TXNRD2: variants seen among roughly 807,000 people sequenced by gnomAD.
The protein encoded by TXNRD2 is thioredoxin reductase 2, mitochondrial.
Under a neutral mutation model 70.8 loss-of-function variants are expected in TXNRD2, and 67 were observed. The observed-to-expected ratio is 0.95, with a 90% confidence interval of 0.78 to 1.16. The LOEUF (loss-of-function observed/expected upper bound fraction) is 1.16, where lower values mean the gene tolerates loss of function less well. Among genes scored for constraint, TXNRD2 ranks in the 50% most tolerant of loss-of-function variants. The pLI is 0.00. For missense variants in TXNRD2, 644 were observed against 719.9 expected, an observed-to-expected ratio of 0.89 and a Z score of 1.21; for synonymous variants, 301 against 295.8, an observed-to-expected ratio of 1.02 and a Z score of -0.18.
intron 11 of TXNRD2, among the ~76,000 whole-genome samples, chr22:19,890,579 C>A (rs939852481): frequency 6.6e-6 from 1 of 152,098 alleles, no homozygotes; most frequent in Non-Finnish European, 1.5e-5. Context: ...CCCCCTCGCC[C>A]GGGCAGCATC....
intron 8 of TXNRD2, among the ~76,000 whole-genome samples, chr22:19,903,271 G>A (rs919402197): frequency 1.3e-5 from 2 of 152,256 alleles, no homozygotes; most frequent in Admixed American, 1.3e-4. Context: ...GGTTGTTTCC[G>A]GGAAGCAGTA....
rs577781574 is a variant in TXNRD2, at chr22:19,880,507, G to A, written c.1182+115C>T. On this transcript the variant is annotated intron_variant, in intron 13 of 17. Coordinates refer to ENST00000400521, the MANE Select transcript of TXNRD2 (RefSeq NM_006440.5). ...CACACCCACATAAGCGCACACACACGCATGCCCACATCTACATGCAGACAC... is the reference window on the plus strand; with the variant it reads ...CACACCCACATAAGCGCACACACACACATGCCCACATCTACATGCAGACAC... The A allele has an allele frequency of 5.1e-5, 50 of 982,474 alleles. No homozygotes were observed. The South Asian group carries it at 5.9e-4, about 12-fold the overall frequency. The allele number at this position is 982,474 out of a possible 1,614,324, so 60.9% of individuals were successfully genotyped here.
At chr22:19,903,122 C>T in intron 8 of TXNRD2, 1 of 481,692 alleles carries the variant, frequency 2.1e-6, no homozygotes, top group South Asian at 1.5e-5. Context: ...TGCAGCCCCT[C>T]CCCCAGGGCC....
At chr22:19,904,885 C>T (rs1939937812) in intron 8 of TXNRD2, among the ~76,000 whole-genome samples, 1 of 152,210 alleles carries the variant, frequency 6.6e-6, no homozygotes, top group African/African-American at 2.4e-5. Context: ...AGGGGAGCAG[C>T]CCCGGGGTCC....
intron 4 of TXNRD2, 25 bp downstream of exon 4, chr22:19,918,835 G>A: frequency 6.2e-7 from 1 of 1,603,036 alleles, no homozygotes; most frequent in East Asian, 2.2e-5. Flanking sequence ...AAAAGCACTG[G>A]AATGCCACGG....
At chr22:19,920,698 C>T (rs1940869184) in intron 2 of TXNRD2, among the ~76,000 whole-genome samples, 1 of 152,204 alleles carries the variant, frequency 6.6e-6, no homozygotes, top group Non-Finnish European at 1.5e-5. Context: ...TTGACTGCCT[C>T]CCAAGGCACA....
chr22:19,880,831 A>C, intron 12 of TXNRD2, 114 bp from the exon 13 acceptor site: 1 of 704,840 alleles, frequency 1.4e-6, no homozygotes, highest in East Asian at 2.7e-5. Flanking sequence ...AATCCCCAAC[A>C]CTGGCACCGA....
rs149665821 is a variant in TXNRD2 at position 19,927,651 on chromosome 22, C to CAA, written c.172+3377_172+3378dup. 4.3e-3 allele frequency among the ~76,000 whole-genome samples: 297 copies of CAA among 68,326 alleles called. 1 individual carries two copies. Among genetic ancestry groups the CAA allele is most frequent in the African/African-American group, 0.014 (251 of 18,078 alleles). The allele number at this position is 68,326 out of a possible 152,430, so 44.8% of individuals were successfully genotyped here. A position where few individuals can be genotyped will look rare whatever the true frequency, so the allele number is the denominator to read the frequency against. On this transcript the variant is annotated intron_variant, in intron 2 of 17. Transcript: ENST00000400521. ...CTGGGCAACACATGAGACCTTGTCT[C>CAA]AAAAAAAAAAAAAAAAAAAAGAAAA...
At chr22:19,909,549 A>C (rs1940229241) in intron 8 of TXNRD2, among the ~76,000 whole-genome samples, 4 of 108,800 alleles carry the variant, frequency 3.7e-5, no homozygotes, top group Admixed American at 9.6e-5. Flanking sequence ...ACACATAACC[A>C]CTCACACACT....
At chr22:19,921,058 G>A (rs1045956294) in intron 2 of TXNRD2, among the ~76,000 whole-genome samples, 1 of 147,122 alleles carries the variant, frequency 6.8e-6, no homozygotes, top group Non-Finnish European at 1.5e-5. Flanking sequence ...AGTGAGCCGA[G>A]ATTGTGCCAC....
intron 2 of TXNRD2, among the ~76,000 whole-genome samples, chr22:19,929,017 A>AAAG: frequency 6.9e-6 from 1 of 145,260 alleles, no homozygotes; most frequent in Admixed American, 6.9e-5. Flanking sequence ...AAAAAAAAAA[A>AAAG]GAGGTAGTTA....
At chr22:19,877,428 C>G (rs1035173499) in intron 16 of TXNRD2, among the ~76,000 whole-genome samples, 194 bp from the exon 17 acceptor site, 1 of 152,018 alleles carries the variant, frequency 6.6e-6, no homozygotes, top group African/African-American at 2.4e-5. Flanking sequence ...GCCTAGTGCT[C>G]GTCCAGCCCA....
chr22:19,895,285 G>A, intron 11 of TXNRD2, 122 bp downstream of exon 11: 2 of 1,592,268 alleles, frequency 1.3e-6, no homozygotes, highest in South Asian at 2.2e-5. Context: ...CTGGGGAGCG[G>A]CCAACCCGCC....
chr22:19,900,168 T>C (rs1939706323), intron 8 of TXNRD2, among the ~76,000 whole-genome samples: 1 of 152,316 alleles, frequency 6.6e-6, no homozygotes. Flanking sequence ...CAGAGCTCTG[T>C]TGGCCGGCTG....
intron 1 of TXNRD2, among the ~76,000 whole-genome samples, chr22:19,933,964 C>G (rs1458763201): frequency 6.6e-6 from 1 of 152,238 alleles, no homozygotes; most frequent in Non-Finnish European, 1.5e-5. Context: ...AACCCACTGC[C>G]TGGTACAGGC....
At chr22:19,904,872 G>A (rs933340081) in intron 8 of TXNRD2, among the ~76,000 whole-genome samples, 2 of 152,234 alleles carry the variant, frequency 1.3e-5, no homozygotes, top group African/African-American at 4.8e-5. Flanking sequence ...GCACTCAGGG[G>A]CCAGGGGAGC....
chr22:19,932,973 C>A (rs1377972778), intron 1 of TXNRD2, among the ~76,000 whole-genome samples: 1 of 152,244 alleles, frequency 6.6e-6, no homozygotes, highest in Non-Finnish European at 1.5e-5. Flanking sequence ...AGATGCCCCA[C>A]AGACAGGTCT....
Position 19,883,427 on chromosome 22 carries a change from C to A in TXNRD2, c.984G>T (p.Glu328Asp), listed in dbSNP as rs1938877744. Residue 328 changes from glutamate to aspartate, a missense_variant, in exon 12 of 18, where the codon GAG becomes GAT. Glu to Asp is a conservative substitution (Grantham distance 45). Coordinates refer to ENST00000400521, the MANE Select transcript of TXNRD2 (RefSeq NM_006440.5). ...RVPDTRSLNL[E>D]KAGVDTSPDT... The stretch of plus-strand genomic sequence containing the variant: ...CGGGGCTAGTATCTACCCCAGCCTT[C>A]TCCAAATTCAGACTTCTGGTGTCTG... 6.2e-7 allele frequency: 1 copy of A among 1,613,966 alleles called. No individual in the cohort carries two copies.
At chr22:19,899,113 TATTG>T (rs1939656094) in intron 8 of TXNRD2, 45 bp from the exon 9 acceptor site, 1 of 1,605,684 alleles carries the variant, frequency 6.2e-7, no homozygotes. Context: ...CTGAGGCCCT[TATTG>T]ACCAAGTGCA....
Sources: allele counts gnomAD v4.1 joint callset (sites outside exome capture counted in the v4.1 genomes callset), GRCh38; gene constraint gnomAD v4.1.1; transcripts MANE v1.5; gene names NCBI Gene and HGNC (gene_info 2026-07-23, HGNC 2026-07-21).